The following ADAMTS12 variants were observed in gnomAD, a reference collection of about 807,000 sequenced individuals.
ADAMTS12 encodes A disintegrin and metalloproteinase with thrombospondin motifs 12.
ADAMTS12 carries 118 observed loss-of-function variants against 167.8 expected under a neutral mutation model. That is an observed-to-expected ratio of 0.70 (90% CI 0.61 to 0.82). ADAMTS12 has a LOEUF of 0.82. Among genes scored for constraint, ADAMTS12 ranks in the 40% least tolerant of loss-of-function variants. The probability of loss-of-function intolerance (pLI) is 0.00; values close to 1 mark genes in which losing one functional copy is unlikely to be tolerated. For missense variants in ADAMTS12, 1,916 were observed against 1,998.8 expected (o/e 0.96, Z 0.79); for synonymous variants, 704 against 716.9 (o/e 0.98, Z 0.29).
rs1445679916 is a variant in ADAMTS12, at chr5:33,658,356, C to G, written c.1041-23G>C. ...TTTCTGAAAGCAGAGAATACAGAAG[C>G]TAAGGCGCCCAAAGGAACATCTGGA... On this transcript the variant is annotated intron_variant, in intron 6 of 23. Transcript: ENST00000504830. The G allele has an allele frequency of 1.9e-6, 3 of 1,608,720 alleles. No individual in the cohort carries two copies. In the African/African-American group the frequency reaches 4.0e-5, roughly 22 times the overall value.
chr5:33,869,090 C>T (rs1490661259), intron 2 of ADAMTS12, among the ~76,000 whole-genome samples: 1 of 152,172 alleles, frequency 6.6e-6, no homozygotes, highest in East Asian at 1.9e-4. Context: ...GCAGCAGCTG[C>T]TCCATCACAG....
At chr5:33,549,619 C>T (rs946333215) in intron 20 of ADAMTS12, among the ~76,000 whole-genome samples, 4 of 152,222 alleles carry the variant, frequency 2.6e-5, no homozygotes, top group Non-Finnish European at 5.9e-5. Flanking sequence ...AGCCCTTGGG[C>T]CTGTCACTGA....
chr5:33,730,818 CT>C (rs1744165692), intron 3 of ADAMTS12, among the ~76,000 whole-genome samples: 1 of 152,226 alleles, frequency 6.6e-6, no homozygotes, highest in African/African-American at 2.4e-5. Flanking sequence ...TTGCATGGTC[CT>C]TTAACTTTGC....
chr5:33,826,586 GTATA>G (rs10594169), intron 2 of ADAMTS12, among the ~76,000 whole-genome samples: 84,204 of 149,528 alleles, frequency 0.56, 24,064 homozygotes, highest in Non-Finnish European at 0.64. Context: ...GTGTGTGTGT[GTATA>G]TATATATATA....
intron 2 of ADAMTS12, among the ~76,000 whole-genome samples, chr5:33,833,818 A>C (rs2111561782): frequency 6.6e-6 from 1 of 152,382 alleles, no homozygotes; most frequent in African/African-American, 2.4e-5. Flanking sequence ...ATAAAATATT[A>C]AATAAAAAAC....
At chr5:33,811,676 G>A (rs369516153) in intron 2 of ADAMTS12, among the ~76,000 whole-genome samples, 1 of 152,218 alleles carries the variant, frequency 6.6e-6, no homozygotes, top group African/African-American at 2.4e-5. Context: ...CTTTTACTCT[G>A]AGTGAGATGG....
chr5:33,541,807 G>T (rs1250203890), intron 22 of ADAMTS12, among the ~76,000 whole-genome samples: 29 of 152,152 alleles, frequency 1.9e-4, no homozygotes, highest in Non-Finnish European at 1.0e-4. Context: ...GTCACCACCA[G>T]GCCTGCCTTA....
At chr5:33,880,897 C>T (rs1750408699) in intron 2 of ADAMTS12, 1 of 556,116 alleles carries the variant, frequency 1.8e-6, no homozygotes, top group Non-Finnish European at 3.0e-6. Flanking sequence ...GTTCTGTCTG[C>T]CTCCTCTGAA....
intron 5 of ADAMTS12, among the ~76,000 whole-genome samples, chr5:33,669,200 AATT>A (rs1260872706): frequency 6.6e-6 from 1 of 152,200 alleles, no homozygotes; most frequent in East Asian, 1.9e-4. Context: ...GTCCTCCCTG[AATT>A]ATTATGATTT....
At chr5:33,627,091 T>C (rs1183545612) in intron 13 of ADAMTS12, among the ~76,000 whole-genome samples, 1 of 145,550 alleles carries the variant, frequency 6.9e-6, no homozygotes. Flanking sequence ...GTGGTAGTGG[T>C]GGTGGTGGTG....
intron 9 of ADAMTS12, among the ~76,000 whole-genome samples, chr5:33,644,494 T>C (rs1740586930): frequency 6.6e-6 from 1 of 152,172 alleles, no homozygotes; most frequent in Non-Finnish European, 1.5e-5. Context: ...AACCACACCT[T>C]CCATTTCCAG....
intron 7 of ADAMTS12, among the ~76,000 whole-genome samples, chr5:33,654,432 T>C (rs932126043): frequency 4.6e-5 from 7 of 152,194 alleles, no homozygotes; most frequent in African/African-American, 1.7e-4. Context: ...TTTCTGACAC[T>C]ACTCTGGAGG....
At chr5:33,593,328 G>A (rs1211678856) in intron 17 of ADAMTS12, among the ~76,000 whole-genome samples, 2 of 152,144 alleles carry the variant, frequency 1.3e-5, no homozygotes, top group African/African-American at 4.8e-5. Flanking sequence ...TGAGATCCTA[G>A]GCAGCAGCAT....
At chr5:33,533,092 C>T (rs771202997) in intron 23 of ADAMTS12, among the ~76,000 whole-genome samples, 23 of 152,180 alleles carry the variant, frequency 1.5e-4, no homozygotes, top group Non-Finnish European at 2.8e-4. Context: ...AACTATTCGT[C>T]GCCATTTATT....
At chr5:33,566,970 G>A (rs751181058) in intron 19 of ADAMTS12, among the ~76,000 whole-genome samples, 2 of 152,128 alleles carry the variant, frequency 1.3e-5, no homozygotes, top group African/African-American at 2.4e-5. Context: ...TGTTAGCCTG[G>A]GTTCCCAAAT....
intron 2 of ADAMTS12, among the ~76,000 whole-genome samples, chr5:33,795,316 C>T (rs13187377): frequency 6.6e-6 from 1 of 152,046 alleles, no homozygotes. Context: ...TTATAATACA[C>T]CAACCCAGAT....
rs1236174635 is a variant in ADAMTS12 at position 33,534,833 on chromosome 5, C to T, written c.4606G>A (p.Asp1536Asn). ...TCCCCGAGCAAACCCATTCACCCAC[C>T]GGCACTTTTCTTGCAGGCCTGCTGG... Reference protein sequence around the residue: ...CNQQACKKSADLLCTKDKLSA... With the variant: ...CNQQACKKSANLLCTKDKLSA... Residue 1536 changes from aspartate (D) to asparagine (N), a missense_variant and splice_region_variant, in exon 23 of 24, where the codon GAT (aspartate) becomes AAT (asparagine). Physicochemically the swap from Asp to Asn is conservative, Grantham distance 23 (BLOSUM62 1). Transcript: ENST00000504830. 27 of 1,611,030 alleles carry T rather than the reference C, an allele frequency of 1.7e-5. No individual in the cohort carries two copies. Among genetic ancestry groups the T allele is most frequent in the South Asian group, 3.3e-5 (3 of 90,378 alleles).
chr5:33,673,856 T>C (rs1242274250), intron 5 of ADAMTS12, among the ~76,000 whole-genome samples: 1 of 138,534 alleles, frequency 7.2e-6, no homozygotes, highest in African/African-American at 2.7e-5. Flanking sequence ...ATTGTCTTTT[T>C]CTCTTACCCC....
At chr5:33,589,035 T>C (rs1747509488) in intron 17 of ADAMTS12, among the ~76,000 whole-genome samples, 1 of 152,240 alleles carries the variant, frequency 6.6e-6, no homozygotes, top group Non-Finnish European at 1.5e-5. Context: ...TACGCATGTT[T>C]TTGAATGAGA....
Sources: gnomAD v4.1 joint callset for allele counts (sites outside exome capture counted in the v4.1 genomes callset) on GRCh38, gnomAD v4.1.1 for gene constraint, MANE v1.5 for transcripts, NCBI Gene and HGNC (gene_info 2026-07-23, HGNC 2026-07-21) for gene names.